CACNA2D1: variants seen among roughly 807,000 people sequenced by gnomAD.
CACNA2D1 encodes calcium voltage-gated channel auxiliary subunit alpha2delta 1, also known as voltage-dependent calcium channel subunit alpha-2/delta-1.
CACNA2D1 carries 53 observed loss-of-function variants against 171.5 expected under a neutral mutation model. The observed-to-expected ratio is 0.31, with a 90% CI of 0.25 to 0.39. The LOEUF (loss-of-function observed/expected upper bound fraction) is 0.39. Among genes scored for constraint, CACNA2D1 ranks in the 10% least tolerant of loss-of-function variants. The probability of loss-of-function intolerance (pLI) is 1.00; values close to 1 mark genes in which losing one functional copy is unlikely to be tolerated. For missense variants in CACNA2D1, 903 were observed against 1,299.8 expected, an observed-to-expected ratio of 0.69 and a Z score of 4.69; for synonymous variants, 442 against 443.1, an observed-to-expected ratio of 1.00 and a Z score of 0.03.
intron 3 of CACNA2D1, among the ~76,000 whole-genome samples, chr7:82,192,176 T>C (rs2129186891): frequency 6.6e-6 from 1 of 151,554 alleles, no homozygotes; most frequent in South Asian, 2.1e-4. Context: ...AAAAAAAACC[T>C]AAATAGAATG....
chr7:82,097,971 G>T, intron 6 of CACNA2D1, among the ~76,000 whole-genome samples: 1 of 151,606 alleles, frequency 6.6e-6, no homozygotes, highest in East Asian at 1.9e-4. Flanking sequence ...AAAATTACTC[G>T]GGCATGGTGG....
intron 1 of CACNA2D1, among the ~76,000 whole-genome samples, chr7:82,443,059 T>G (rs1830623694): frequency 6.6e-6 from 1 of 152,192 alleles, no homozygotes; most frequent in African/African-American, 2.4e-5. Context: ...ACGGCTGCAC[T>G]CTGAAGTCTA....
rs539622752 is a variant in CACNA2D1 at position 82,360,518 on chromosome 7, A to G, written c.96-10869T>C. Among the ~76,000 whole-genome samples the G allele has an allele frequency of 2.6e-5, 4 of 152,316 alleles. No individual in the cohort carries two copies. The South Asian group carries it at 8.3e-4, about 32-fold the overall frequency. On this transcript the variant is annotated intron_variant, in intron 1 of 38. Transcript: ENST00000356860. ...TTGTACTACTTTCATTAACATAACAAGACATCCTCAGTGTTATGCATTAGG... is the reference window on the plus strand; with the variant it reads ...TTGTACTACTTTCATTAACATAACAGGACATCCTCAGTGTTATGCATTAGG...
chr7:82,123,231 T>TC lies in CACNA2D1; in HGVS notation c.397-6059dup, dbSNP rs574017831. Among the ~76,000 whole-genome samples the TC allele has an allele frequency of 1.4e-4, 21 of 152,178 alleles. No homozygotes were observed. In the East Asian group the frequency reaches 3.5e-3, roughly 25 times the overall value. ...ACCTTTTTATTGGTTTTATAGTTTC[T>TC]CCCCCCAGTGATTCCTGAGATGGCT... On this transcript the variant is annotated intron_variant, in intron 5 of 38. Coordinates refer to ENST00000356860, the MANE Select transcript of CACNA2D1 (RefSeq NM_000722.4).
intron 4 of CACNA2D1, among the ~76,000 whole-genome samples, chr7:82,165,326 G>GATA (rs1795332379): frequency 6.6e-6 from 1 of 151,832 alleles, no homozygotes; most frequent in South Asian, 2.1e-4. Flanking sequence ...CTGACTGCAG[G>GATA]GGCTTCCACT....
intron 4 of CACNA2D1, among the ~76,000 whole-genome samples, chr7:82,147,596 G>C (rs1167051358): frequency 6.6e-6 from 1 of 152,086 alleles, no homozygotes; most frequent in African/African-American, 2.4e-5. Context: ...ACACCCCACA[G>C]ATCTTCTTGA....
chr7:82,093,048 G>A (rs1362428354), intron 6 of CACNA2D1, among the ~76,000 whole-genome samples: 1 of 151,786 alleles, frequency 6.6e-6, no homozygotes, highest in Non-Finnish European at 1.5e-5. Flanking sequence ...TTTCTGGTGA[G>A]GCCTTTTTCT....
At chr7:82,271,324 T>C (rs1370802615) in intron 3 of CACNA2D1, among the ~76,000 whole-genome samples, 1 of 152,090 alleles carries the variant, frequency 6.6e-6, no homozygotes, top group Admixed American at 6.6e-5. Context: ...GAGTCATTCA[T>C]TTTTACTCTT....
chr7:82,070,157 C>T (rs1808153204), intron 7 of CACNA2D1, among the ~76,000 whole-genome samples: 1 of 152,166 alleles, frequency 6.6e-6, no homozygotes, highest in African/African-American at 2.4e-5. Flanking sequence ...TCCACAGTCC[C>T]TAATTTGCAC....
At chr7:82,129,402 C>T (rs548431749) in intron 5 of CACNA2D1, among the ~76,000 whole-genome samples, 32 of 152,274 alleles carry the variant, frequency 2.1e-4, no homozygotes, top group South Asian at 2.1e-4. Context: ...TATGAATACA[C>T]CTATGAATTC....
intron 3 of CACNA2D1, among the ~76,000 whole-genome samples, chr7:82,229,686 T>TTTTTATATTA (rs1802709353): frequency 6.8e-6 from 1 of 147,814 alleles, no homozygotes; most frequent in African/African-American, 2.5e-5. Context: ...ACTTTTTTTA[T>TTTTTATATTA]TTTTATTTTA....
chr7:82,023,976 C>A (rs1801575630), intron 12 of CACNA2D1: 1 of 151,672 alleles, frequency 6.6e-6, no homozygotes, highest in South Asian at 2.1e-4. Context: ...CAGGTTTGCA[C>A]ATATTGAGAA....
rs943942122 is a variant in CACNA2D1 at position 81,997,084 on chromosome 7, G to A, written c.1662+95C>T. 8 of 795,466 alleles carry A rather than the reference G, an allele frequency of 1.0e-5. No homozygotes were observed. In the African/African-American group the frequency reaches 1.4e-4, roughly 13 times the overall value. 49.3% of individuals were successfully genotyped at this position (795,466 alleles called of 1,614,324 possible). A position where few individuals can be genotyped will look rare whatever the true frequency, so the allele number is the denominator to read the frequency against. On this transcript the variant is annotated intron_variant, in intron 19 of 38. Transcript: ENST00000356860. The stretch of plus-strand genomic sequence containing the variant: ...TGTGTATACAGTATCAAACAGACAA[G>A]CTAACACATTGTAGCCGTTCAACAG...
chr7:82,168,854 G>A (rs994897982), intron 4 of CACNA2D1, among the ~76,000 whole-genome samples: 3 of 152,010 alleles, frequency 2.0e-5, no homozygotes, highest in Non-Finnish European at 4.4e-5. Flanking sequence ...AAGAAAAAGG[G>A]TGCTTTGAAC....
intron 3 of CACNA2D1, among the ~76,000 whole-genome samples, chr7:82,183,632 T>A (rs1192696908): frequency 6.6e-6 from 1 of 152,086 alleles, no homozygotes; most frequent in Non-Finnish European, 1.5e-5. Context: ...TTATAAAAAA[T>A]TGAGAAAAAC....
At chr7:82,009,545 T>G (rs1385427602) in intron 15 of CACNA2D1, among the ~76,000 whole-genome samples, 1 of 152,120 alleles carries the variant, frequency 6.6e-6, no homozygotes, top group Non-Finnish European at 1.5e-5. Flanking sequence ...ATAATCTATA[T>G]GCATGGTTTT....
At chr7:82,058,038 C>A (rs1806158705) in intron 10 of CACNA2D1, among the ~76,000 whole-genome samples, 1 of 152,052 alleles carries the variant, frequency 6.6e-6, no homozygotes, top group South Asian at 2.1e-4. Context: ...TTCAGTACTC[C>A]CTCTTGTGCC....
At chr7:82,117,016 C>A (rs747159811) in intron 6 of CACNA2D1, 28 bp downstream of exon 6, 1 of 1,612,168 alleles carries the variant, frequency 6.2e-7, no homozygotes, top group Non-Finnish European at 8.5e-7. Context: ...CATGGTATTC[C>A]AACAGATGTT....
chr7:82,255,173 G>T (rs2129321921), intron 3 of CACNA2D1, among the ~76,000 whole-genome samples: 1 of 152,208 alleles, frequency 6.6e-6, no homozygotes, highest in Non-Finnish European at 1.5e-5. Context: ...CTAAACAAAA[G>T]TTCCAAGCCT....
Sources: gnomAD v4.1 joint callset for allele counts (sites outside exome capture counted in the v4.1 genomes callset) on GRCh38, gnomAD v4.1.1 for gene constraint, MANE v1.5 for transcripts, NCBI Gene and HGNC (gene_info 2026-07-23, HGNC 2026-07-21) for gene names.